Variants in CTNND2 observed in about 807,000 individuals in gnomAD.
CTNND2 encodes catenin delta-2.
CTNND2 carries 22 observed loss-of-function variants against 144.4 expected under a neutral mutation model. That is an observed-to-expected ratio of 0.15 (90% CI 0.11 to 0.22). CTNND2 has a LOEUF of 0.22. Ranked by LOEUF, CTNND2 falls within the 10% of genes least tolerant of loss-of-function variation. CTNND2 has a pLI of 1.00. For missense variants in CTNND2, 1,353 were observed against 1,618.8 expected (o/e 0.84, Z 2.82); for synonymous variants, 751 against 695.6 (o/e 1.08, Z -1.25).
At chr5:11,697,732 T>C (rs1295798270) in intron 2 of CTNND2, among the ~76,000 whole-genome samples, 2 of 152,184 alleles carry the variant, frequency 1.3e-5, no homozygotes, top group Non-Finnish European at 2.9e-5. Context: ...TAGTCTATGC[T>C]CTTAGTCTCT....
intron 3 of CTNND2, among the ~76,000 whole-genome samples, chr5:11,476,733 A>G (rs776514187): frequency 1.9e-4 from 29 of 152,344 alleles, no homozygotes; most frequent in Non-Finnish European, 3.7e-4. Context: ...TATACAGCCC[A>G]AAACACTTAA....
intron 9 of CTNND2, among the ~76,000 whole-genome samples, chr5:11,240,631 T>C (rs1259719180): frequency 2.2e-5 from 2 of 92,456 alleles, no homozygotes; most frequent in African/African-American, 4.4e-5. Flanking sequence ...CAGACGTACA[T>C]ACACACCAAA....
chr5:11,632,145 A>G lies in CTNND2; in HGVS notation c.175-67089T>C, dbSNP rs146154100. 1.1e-4 allele frequency among the ~76,000 whole-genome samples: 17 copies of G among 152,346 alleles called. No individual in the cohort carries two copies. The East Asian group carries it at 3.3e-3, about 29-fold the overall frequency. On this transcript the variant is annotated intron_variant, in intron 2 of 21. Coordinates refer to ENST00000304623, the MANE Select transcript of CTNND2 (RefSeq NM_001332.4). ...GATTTAGAAGTTAGAAGTTTTCCAG[A>G]AGGACTCTAAGAAAGAGATAGCTAA...
At chr5:11,605,788 T>TA (rs1382730126) in intron 2 of CTNND2, among the ~76,000 whole-genome samples, 1 of 152,084 alleles carries the variant, frequency 6.6e-6, no homozygotes, top group Admixed American at 6.6e-5. Context: ...TGTGCTAAAA[T>TA]ACAGCTAAGA....
At chr5:11,547,522 C>CTAACAGATTAGTA (rs1324313137) in intron 3 of CTNND2, among the ~76,000 whole-genome samples, 3 of 151,784 alleles carry the variant, frequency 2.0e-5, no homozygotes, top group Non-Finnish European at 4.4e-5. Context: ...ATACATACAA[C>CTAACAGATTAGTA]TAACAGATTA....
intron 10 of CTNND2, among the ~76,000 whole-genome samples, chr5:11,219,568 T>G (rs1739564754): frequency 6.6e-6 from 1 of 152,214 alleles, no homozygotes; most frequent in African/African-American, 2.4e-5. Flanking sequence ...GCTGCTGTGA[T>G]TAAGAAACTT....
At chr5:11,254,638 C>T (rs1459720580) in intron 9 of CTNND2, among the ~76,000 whole-genome samples, 2 of 152,152 alleles carry the variant, frequency 1.3e-5, no homozygotes, top group African/African-American at 2.4e-5. Flanking sequence ...ATTCACCATA[C>T]AACAGTGCAT....
At chr5:11,448,429 C>A (rs1029527894) in intron 3 of CTNND2, among the ~76,000 whole-genome samples, 1 of 152,052 alleles carries the variant, frequency 6.6e-6, no homozygotes, top group Non-Finnish European at 1.5e-5. Flanking sequence ...AAAAAAACGA[C>A]AGAGTATTAT....
intron 11 of CTNND2, among the ~76,000 whole-genome samples, chr5:11,168,797 T>C (rs1167283788): frequency 4.6e-5 from 7 of 151,580 alleles, no homozygotes; most frequent in Admixed American, 4.6e-4. Flanking sequence ...TTTCAATAAA[T>C]AGCATAATGA....
chr5:11,821,777 G>A (rs552686294), intron 1 of CTNND2, among the ~76,000 whole-genome samples: 3 of 152,218 alleles, frequency 2.0e-5, no homozygotes, highest in South Asian at 2.1e-4. Flanking sequence ...TTATCAATTA[G>A]AAATATGAAA....
intron 15 of CTNND2, among the ~76,000 whole-genome samples, chr5:11,096,953 T>C (rs1751416923): frequency 6.6e-6 from 1 of 152,132 alleles, no homozygotes; most frequent in Non-Finnish European, 1.5e-5. Flanking sequence ...GCAGGGGAGC[T>C]GGGTAGGGTC....
At chr5:11,812,243 C>A (rs768296351) in intron 1 of CTNND2, among the ~76,000 whole-genome samples, 10 of 152,144 alleles carry the variant, frequency 6.6e-5, no homozygotes, top group Non-Finnish European at 8.8e-5. Flanking sequence ...AGAGGTACTG[C>A]TTTTTCTTGC....
chr5:11,286,062 A>C (rs1461704640), intron 9 of CTNND2, among the ~76,000 whole-genome samples: 1 of 152,080 alleles, frequency 6.6e-6, no homozygotes, highest in Non-Finnish European at 1.5e-5. Context: ...GAAAAAAAAA[A>C]CAGATCCCTA....
At chr5:11,362,087 A>T (rs1180826527) in intron 8 of CTNND2, among the ~76,000 whole-genome samples, 1 of 152,166 alleles carries the variant, frequency 6.6e-6, no homozygotes, top group East Asian at 1.9e-4. Context: ...CTCTTCTTTC[A>T]AGGAGTTAGG....
intron 1 of CTNND2, among the ~76,000 whole-genome samples, chr5:11,830,466 T>C (rs991238455): frequency 6.6e-6 from 1 of 152,180 alleles, no homozygotes; most frequent in Non-Finnish European, 1.5e-5. Flanking sequence ...TGATGGTTTT[T>C]AAAAGGGGAT....
intron 2 of CTNND2, among the ~76,000 whole-genome samples, chr5:11,725,808 AC>A (rs561280210): frequency 1.4e-3 from 215 of 152,338 alleles, no homozygotes; most frequent in African/African-American, 5.1e-3. Context: ...TTTTTAAAAA[AC>A]GTTTTTGAGA....
chr5:11,524,669 G>A (rs987507658), intron 3 of CTNND2, among the ~76,000 whole-genome samples: 1 of 152,180 alleles, frequency 6.6e-6, no homozygotes, highest in African/African-American at 2.4e-5. Flanking sequence ...GTCTAAAAGA[G>A]CCCATCTCTC....
At chr5:11,383,779 T>A (rs1758767283) in intron 7 of CTNND2, among the ~76,000 whole-genome samples, 2 of 152,162 alleles carry the variant, frequency 1.3e-5, no homozygotes, top group Non-Finnish European at 2.9e-5. Flanking sequence ...GGAAAAAAAA[T>A]TCACAATAAA....
chr5:11,382,580 C>T (rs1376332620), intron 7 of CTNND2, among the ~76,000 whole-genome samples: 2 of 142,588 alleles, frequency 1.4e-5, no homozygotes, highest in Non-Finnish European at 3.0e-5. Context: ...CCTGGGCAAC[C>T]GACAGAGTGA....
Sources: allele counts gnomAD v4.1 joint callset (sites outside exome capture counted in the v4.1 genomes callset), GRCh38; gene constraint gnomAD v4.1.1; transcripts MANE v1.5; gene names NCBI Gene and HGNC (gene_info 2026-07-23, HGNC 2026-07-21).